FCHSD2: variants seen among roughly 807,000 people sequenced by gnomAD.
FCHSD2 encodes FCH and double SH3 domains 2.
A neutral mutation model predicts 108.1 loss-of-function variants in FCHSD2; 38 were observed. The observed-to-expected ratio is 0.35, with a 90% CI of 0.27 to 0.46. The LOEUF is 0.46. FCHSD2 is among the 20% of genes least tolerant of loss of function. The pLI, the probability that FCHSD2 is intolerant of heterozygous loss-of-function variation, is 1.00. For synonymous variants in FCHSD2, 279 were observed against 314.7 expected (o/e 0.89, Z 1.20); for missense variants, 751 against 897.8 (o/e 0.84, Z 2.09).
chr11:72,937,132 C>G (rs575405114), intron 8 of FCHSD2, among the ~76,000 whole-genome samples: 2 of 152,266 alleles, frequency 1.3e-5, no homozygotes, highest in East Asian at 3.9e-4. Context: ...AATTATATAG[C>G]TGGAGGAAGA....
intron 3 of FCHSD2, among the ~76,000 whole-genome samples, chr11:73,032,410 G>C (rs919240593): frequency 3.3e-5 from 5 of 151,892 alleles, no homozygotes; most frequent in Non-Finnish European, 5.9e-5. Flanking sequence ...TTTTTTTATA[G>C]AGACAGGGTC....
At chr11:73,088,823 G>A (rs896530620) in intron 2 of FCHSD2, among the ~76,000 whole-genome samples, 2 of 152,060 alleles carry the variant, frequency 1.3e-5, no homozygotes, top group Non-Finnish European at 2.9e-5. Context: ...TATATATTTT[G>A]TAGAAGGTTG....
At chr11:73,019,014 A>G (rs989912902) in intron 3 of FCHSD2, among the ~76,000 whole-genome samples, 1 of 152,238 alleles carries the variant, frequency 6.6e-6, no homozygotes, top group African/African-American at 2.4e-5. Context: ...TATGCCAGGC[A>G]ACATATGGGT....
chr11:73,114,957 T>C (rs1239884928), intron 2 of FCHSD2, among the ~76,000 whole-genome samples: 1 of 152,126 alleles, frequency 6.6e-6, no homozygotes, highest in Non-Finnish European at 1.5e-5. Flanking sequence ...TGCCCCACCA[T>C]GTTCACTGGC....
At position 73,123,404 on chromosome 11, in the gene FCHSD2, C is replaced by T. The variant is rs7930893; in HGVS notation, c.119+16627G>A. Among the ~76,000 whole-genome samples the T allele has an allele frequency of 7.9e-5, 12 of 152,236 alleles. No homozygotes were observed. In the East Asian group the frequency reaches 2.1e-3, roughly 27 times the overall value. ...ACGGTGGTAACTCCTGGAAAAGTAG[C>T]GCTCATCCTTAATTACAAATGAGAA... On this transcript the variant is annotated intron_variant, in intron 2 of 19. Coordinates refer to ENST00000409418, the MANE Select transcript of FCHSD2 (RefSeq NM_014824.3).
chr11:72,934,110 G>GAAAAA (rs375464183), intron 8 of FCHSD2, among the ~76,000 whole-genome samples: 13 of 50,860 alleles, frequency 2.6e-4, no homozygotes, highest in East Asian at 7.0e-4. Flanking sequence ...CACTGTCTCA[G>GAAAAA]AAAAAAAAAA....
chr11:73,113,821 G>A (rs1860547523), intron 2 of FCHSD2, among the ~76,000 whole-genome samples: 1 of 152,168 alleles, frequency 6.6e-6, no homozygotes, highest in African/African-American at 2.4e-5. Context: ...GCCCAGTAAT[G>A]CTATGTTTCT....
chr11:72,868,306 T>C (rs1418150598), intron 12 of FCHSD2, among the ~76,000 whole-genome samples: 4 of 152,042 alleles, frequency 2.6e-5, no homozygotes, highest in East Asian at 3.9e-4. Context: ...AATGAGAACA[T>C]ACGGACACAT....
chr11:72,983,490 G>A (rs890512250), intron 8 of FCHSD2, among the ~76,000 whole-genome samples: 11 of 151,886 alleles, frequency 7.2e-5, no homozygotes, highest in African/African-American at 2.7e-4. Flanking sequence ...ATTAAAAAAA[G>A]CTTCATAATT....
At chr11:72,917,300 C>T (rs910758517) in intron 9 of FCHSD2, among the ~76,000 whole-genome samples, 6 of 152,138 alleles carry the variant, frequency 3.9e-5, no homozygotes, top group Non-Finnish European at 8.8e-5. Flanking sequence ...CATTCTTTTG[C>T]ATGTGGCTAT....
chr11:73,103,203 C>T (rs1355996048), intron 2 of FCHSD2, among the ~76,000 whole-genome samples: 1 of 147,134 alleles, frequency 6.8e-6, no homozygotes, highest in Non-Finnish European at 1.5e-5. Context: ...TAAAATGTAT[C>T]AAACTCTGTA....
chr11:72,901,324 G>T (rs999628562), intron 10 of FCHSD2, among the ~76,000 whole-genome samples: 4 of 150,732 alleles, frequency 2.7e-5, no homozygotes, highest in African/African-American at 9.8e-5. Context: ...TTGAGCCCAG[G>T]AGAGGGGGGC....
intron 3 of FCHSD2, among the ~76,000 whole-genome samples, chr11:73,080,844 T>C (rs10898896): frequency 0.45 from 68,988 of 151,758 alleles, 16,611 homozygotes; most frequent in South Asian, 0.65. Flanking sequence ...CTCAGGAAGC[T>C]GAGGCAGGAG....
At chr11:72,966,612 A>AT (rs2135379466) in intron 8 of FCHSD2, among the ~76,000 whole-genome samples, 1 of 152,310 alleles carries the variant, frequency 6.6e-6, no homozygotes, top group African/African-American at 2.4e-5. Flanking sequence ...ATGCAAACAG[A>AT]TTCCTGCATG....
chr11:73,031,521 G>C (rs1407002380), intron 3 of FCHSD2, among the ~76,000 whole-genome samples: 1 of 152,054 alleles, frequency 6.6e-6, no homozygotes, highest in Non-Finnish European at 1.5e-5. Context: ...TACCAGGAAC[G>C]GGGAGGGAGA....
intron 4 of FCHSD2, among the ~76,000 whole-genome samples, chr11:73,002,853 T>C (rs1432382604): frequency 6.6e-6 from 1 of 152,176 alleles, no homozygotes; most frequent in Non-Finnish European, 1.5e-5. Context: ...GCACTTTTCT[T>C]TTAATTATAA....
intron 8 of FCHSD2, among the ~76,000 whole-genome samples, chr11:72,964,938 C>A (rs893722654): frequency 6.6e-6 from 1 of 151,936 alleles, no homozygotes; most frequent in Non-Finnish European, 1.5e-5. Flanking sequence ...TACAGGCGCC[C>A]GCCACCACAC....
chr11:72,927,660 T>G (rs1856102870), intron 8 of FCHSD2, among the ~76,000 whole-genome samples: 1 of 152,202 alleles, frequency 6.6e-6, no homozygotes, highest in Non-Finnish European at 1.5e-5. Flanking sequence ...TTCTAACAAC[T>G]TGCCACTGGC....
chr11:73,007,082 T>G (rs1174981267), intron 4 of FCHSD2, among the ~76,000 whole-genome samples: 1 of 152,212 alleles, frequency 6.6e-6, no homozygotes, highest in Non-Finnish European at 1.5e-5. Flanking sequence ...TTCTGTACCA[T>G]TATTTTCTTA....
Sources: gnomAD v4.1 joint callset for allele counts (sites outside exome capture counted in the v4.1 genomes callset) on GRCh38, gnomAD v4.1.1 for gene constraint, MANE v1.5 for transcripts, NCBI Gene and HGNC (gene_info 2026-07-23, HGNC 2026-07-21) for gene names.